The following TMEM161B variants were observed in gnomAD, a reference collection of about 807,000 sequenced individuals.
TMEM161B encodes transmembrane protein 161B.
In TMEM161B, 34 loss-of-function variants were observed where a neutral mutation model predicts 61.8. The observed-to-expected ratio is 0.55, with a 90% confidence interval of 0.42 to 0.73. TMEM161B has a LOEUF of 0.73. Ranked by LOEUF, TMEM161B falls within the 30% of genes least tolerant of loss-of-function variation. The pLI is 0.00. For missense variants in TMEM161B, 456 were observed against 558.5 expected (o/e 0.82, Z 1.85); for synonymous variants, 167 against 192.8 (o/e 0.87, Z 1.11).
At chr5:88,221,796 CA>C in intron 4 of TMEM161B, 1 of 455,646 alleles carries the variant, frequency 2.2e-6, no homozygotes, top group Non-Finnish European at 4.4e-6. Context: ...ACATAACCAT[CA>C]ATTCAGATGT....
chr5:88,227,745 AGG>A (rs1750300076), intron 3 of TMEM161B, among the ~76,000 whole-genome samples: 1 of 152,200 alleles, frequency 6.6e-6, no homozygotes, highest in Admixed American at 6.5e-5. Flanking sequence ...TCAGAGTCAC[AGG>A]GGACCTAAGA....
At chr5:88,202,705 GACATAA>G in intron 9 of TMEM161B, 1 of 418,388 alleles carries the variant, frequency 2.4e-6, no homozygotes, top group Admixed American at 4.5e-5. Flanking sequence ...ATGACGACTG[GACATAA>G]AGAGGAGGAA....
At chr5:88,255,730 A>C (rs1754905751) in intron 1 of TMEM161B, among the ~76,000 whole-genome samples, 1 of 152,176 alleles carries the variant, frequency 6.6e-6, no homozygotes, top group African/African-American at 2.4e-5. Flanking sequence ...GTGAAAGCAT[A>C]ATTTTTTTGC....
chr5:88,197,802 T>C (rs1749938459), intron 10 of TMEM161B, 37 bp from the exon 11 acceptor site: 1 of 1,557,344 alleles, frequency 6.4e-7, no homozygotes, highest in Non-Finnish European at 8.8e-7. Flanking sequence ...CTAATGCAAC[T>C]GACATGTTAG....
At chr5:88,186,196 T>C (rs1183850982), downstream of TMEM161B, among the ~76,000 whole-genome samples, 1 of 152,230 alleles carries the variant, frequency 6.6e-6, no homozygotes, top group African/African-American at 2.4e-5. Context: ...CTTTTAAGAA[T>C]ATAACACCCT....
In TMEM161B at chr5:88,213,994, G is replaced by A. The variant is rs536246082; in HGVS notation, c.446+6569C>T. On this transcript the variant is annotated intron_variant, in intron 5 of 11. Coordinates refer to ENST00000296595, the MANE Select transcript of TMEM161B (RefSeq NM_153354.5). Reference sequence around the variant, plus strand: ...TTGTAAATAAAAGAATATAGTTAAAGCCTTTGAAGGAATTTAGAAATGGTG... The same window carrying A: ...TTGTAAATAAAAGAATATAGTTAAAACCTTTGAAGGAATTTAGAAATGGTG... Among the ~76,000 whole-genome samples the A allele has an allele frequency of 1.3e-3, 201 of 152,236 alleles. 1 individual carries two copies. The highest frequency in any genetic ancestry group is 4.5e-3 in the African/African-American group (187 of 41,552).
At chr5:88,226,456 T>C (rs993136934) in intron 3 of TMEM161B, among the ~76,000 whole-genome samples, 2 of 152,134 alleles carry the variant, frequency 1.3e-5, no homozygotes, top group African/African-American at 4.8e-5. Flanking sequence ...TAAACTAAGG[T>C]TTCAATTTAT....
chr5:88,217,817 A>T (rs1169190277), intron 5 of TMEM161B, among the ~76,000 whole-genome samples: 1 of 151,916 alleles, frequency 6.6e-6, no homozygotes, highest in Non-Finnish European at 1.5e-5. Context: ...ACAGGCAAAC[A>T]CCAATCACTA....
intron 1 of TMEM161B, among the ~76,000 whole-genome samples, chr5:88,257,084 C>T (rs1269020162): frequency 6.6e-6 from 1 of 152,084 alleles, no homozygotes; most frequent in Non-Finnish European, 1.5e-5. Context: ...GACTGGCCAA[C>T]GTGGTGAAAC....
intron 5 of TMEM161B, among the ~76,000 whole-genome samples, chr5:88,208,828 C>T (rs1010557758): frequency 8.5e-5 from 13 of 152,256 alleles, no homozygotes; most frequent in African/African-American, 2.9e-4. Flanking sequence ...TACATAGCAC[C>T]TAAGTCAATG....
chr5:88,197,915 T>C (rs1177028297), intron 10 of TMEM161B, 150 bp from the exon 11 acceptor site: 4 of 537,136 alleles, frequency 7.4e-6, no homozygotes, highest in Admixed American at 3.9e-5. Flanking sequence ...GCATGATACA[T>C]GTCCCCAAAA....
chr5:88,232,791 G>T (rs1751225051), intron 2 of TMEM161B, among the ~76,000 whole-genome samples: 1 of 152,104 alleles, frequency 6.6e-6, no homozygotes, highest in Non-Finnish European at 1.5e-5. Context: ...AGCCAGGATG[G>T]TCTCCACCTC....
At position 88,268,792 on chromosome 5, in the gene TMEM161B, C is replaced by G; in HGVS notation, c.-69G>C. ...GGGCAGTCCCAAACCTCTTACCTCCCGGTCCTTGAGCCGAGAGACTCTCAA... is the reference window on the plus strand; with the variant it reads ...GGGCAGTCCCAAACCTCTTACCTCCGGGTCCTTGAGCCGAGAGACTCTCAA... On this transcript the variant is annotated 5_prime_UTR_variant, in exon 1 of 12. Transcript: ENST00000296595. 1.6e-5 allele frequency: 25 copies of G among 1,612,402 alleles called. No individual in the cohort carries two copies. Among genetic ancestry groups the G allele is most frequent in the Middle Eastern group, 1.7e-4 (1 of 6,056 alleles).
downstream of TMEM161B, among the ~76,000 whole-genome samples, chr5:88,186,496 T>C (rs1748363199): frequency 2.7e-5 from 4 of 149,608 alleles, no homozygotes; most frequent in Admixed American, 1.3e-4. Flanking sequence ...CCTAATCTAT[T>C]TTTTTTAATT....
At chr5:88,251,692 A>G (rs113688213) in intron 1 of TMEM161B, among the ~76,000 whole-genome samples, 1 of 152,196 alleles carries the variant, frequency 6.6e-6, no homozygotes, top group Non-Finnish European at 1.5e-5. Flanking sequence ...CAATATAACA[A>G]ATGATTTATG....
chr5:88,266,576 G>C (rs1214792778), intron 1 of TMEM161B, among the ~76,000 whole-genome samples: 1 of 152,152 alleles, frequency 6.6e-6, no homozygotes, highest in Non-Finnish European at 1.5e-5. Context: ...TATCAAAATT[G>C]AGTGACTTTT....
At position 88,200,378 on chromosome 5, in the gene TMEM161B, C is replaced by G. The variant is rs570864625; in HGVS notation, c.915-1228G>C. The G allele has an allele frequency of 1.1e-4, 17 of 152,078 alleles. No homozygotes were observed. The East Asian group carries it at 2.7e-3, about 24-fold the overall frequency. 9.4% of individuals were successfully genotyped at this position (152,078 alleles called of 1,614,324 possible). A position where few individuals can be genotyped will look rare whatever the true frequency, so the allele number is the denominator to read the frequency against. ...GAGCCATCATGTGAGAGTAACAGTA[C>G]GTAAGACACAAGCCTACCCACAGCC... On this transcript the variant is annotated intron_variant, in intron 9 of 11. Transcript: ENST00000296595.
At chr5:88,256,112 T>C (rs777760068) in intron 1 of TMEM161B, among the ~76,000 whole-genome samples, 3 of 152,138 alleles carry the variant, frequency 2.0e-5, no homozygotes, top group Non-Finnish European at 4.4e-5. Flanking sequence ...ATAGAAAACA[T>C]TCTAATTAAA....
chr5:88,194,439 A>G (rs1218192985), downstream of TMEM161B, among the ~76,000 whole-genome samples: 1 of 152,090 alleles, frequency 6.6e-6, no homozygotes, highest in Non-Finnish European at 1.5e-5. Context: ...CACTGTGAAT[A>G]CTGCTTCAAT....
Sources: gnomAD v4.1 joint callset for allele counts (sites outside exome capture counted in the v4.1 genomes callset) on GRCh38, gnomAD v4.1.1 for gene constraint, MANE v1.5 for transcripts, NCBI Gene and HGNC (gene_info 2026-07-23, HGNC 2026-07-21) for gene names.